The following SLIT3 variants were observed in gnomAD, a reference collection of about 807,000 sequenced individuals.
SLIT3 encodes slit homolog 3 protein.
In SLIT3, 68 loss-of-function variants were observed where a neutral mutation model predicts 184.0. The observed-to-expected ratio is 0.37, with a 90% CI of 0.30 to 0.45. The LOEUF (loss-of-function observed/expected upper bound fraction) is 0.45, where lower values mean the gene tolerates loss of function less well. SLIT3 is among the 20% of genes least tolerant of loss of function. The probability of loss-of-function intolerance (pLI) is 1.00; values close to 1 mark genes in which losing one functional copy is unlikely to be tolerated. For synonymous variants in SLIT3, 831 were observed against 828.6 expected (o/e 1.00, Z -0.05); for missense variants, 1,707 against 2,026.0 (o/e 0.84, Z 3.02).
At chr5:168,704,283 C>T (rs1762312452) in intron 26 of SLIT3, among the ~76,000 whole-genome samples, 1 of 138,678 alleles carries the variant, frequency 7.2e-6, no homozygotes, top group African/African-American at 3.5e-5. Flanking sequence ...ATTTTTTCCC[C>T]AAATCTTAAC....
intron 16 of SLIT3, 61 bp from the exon 17 acceptor site, chr5:168,754,068 G>C: frequency 6.7e-7 from 1 of 1,502,404 alleles, no homozygotes; most frequent in Non-Finnish European, 8.9e-7. Flanking sequence ...GATGCCGGGA[G>C]GGGATGACTT....
intron 20 of SLIT3, among the ~76,000 whole-genome samples, chr5:168,741,650 C>T (rs1210645359): frequency 1.3e-5 from 2 of 151,988 alleles, no homozygotes; most frequent in African/African-American, 4.8e-5. Flanking sequence ...TAAGCAACTA[C>T]AACACAAGGC....
In SLIT3 at chr5:169,210,141, T is replaced by G. The variant is rs552318806; in HGVS notation, c.342-16591A>C. 3.2e-3 allele frequency among the ~76,000 whole-genome samples: 482 copies of G among 152,120 alleles called. 1 individual carries two copies. The highest frequency in any genetic ancestry group is 0.011 in the African/African-American group (454 of 41,510). ...CTGTGGGAGAAATCGCTATGGCAGATAGCTACCCAGGGCAGTCCACAGTGA... is the reference window on the plus strand; with the variant it reads ...CTGTGGGAGAAATCGCTATGGCAGAGAGCTACCCAGGGCAGTCCACAGTGA... On this transcript the variant is annotated intron_variant, in intron 3 of 35. Transcript: ENST00000519560.
intron 20 of SLIT3, among the ~76,000 whole-genome samples, chr5:168,741,419 C>A (rs555210251): frequency 2.1e-5 from 3 of 144,382 alleles, no homozygotes; most frequent in African/African-American, 7.8e-5. Flanking sequence ...TGCAGTAAGC[C>A]GAGATCACAC....
intron 4 of SLIT3, among the ~76,000 whole-genome samples, chr5:168,915,044 G>A (rs142849491): frequency 5.9e-5 from 9 of 152,172 alleles, no homozygotes; most frequent in African/African-American, 1.9e-4. Flanking sequence ...CAGGCAATAC[G>A]TAATCTGTCA....
chr5:169,147,084 A>T (rs1198809968), intron 4 of SLIT3, among the ~76,000 whole-genome samples: 1 of 152,180 alleles, frequency 6.6e-6, no homozygotes, highest in Non-Finnish European at 1.5e-5. Flanking sequence ...TGAAGATGCA[A>T]CCATATCTGA....
At chr5:168,956,522 A>C (rs915248346) in intron 4 of SLIT3, among the ~76,000 whole-genome samples, 1 of 152,236 alleles carries the variant, frequency 6.6e-6, no homozygotes, top group Non-Finnish European at 1.5e-5. Context: ...GGGGCCAGGC[A>C]TGGTGGCTCA....
At chr5:169,011,914 G>T (rs186764471) in intron 4 of SLIT3, among the ~76,000 whole-genome samples, 1 of 150,692 alleles carries the variant, frequency 6.6e-6, no homozygotes, top group Non-Finnish European at 1.5e-5. Context: ...TCAACATAGG[G>T]GACTTCAAAA....
At chr5:169,047,517 ACC>A (rs1368983999) in intron 4 of SLIT3, among the ~76,000 whole-genome samples, 3 of 62,410 alleles carry the variant, frequency 4.8e-5, no homozygotes, top group African/African-American at 4.7e-4. Flanking sequence ...CCTAGATGGA[ACC>A]TACCCTTCCA....
chr5:168,666,390 C>A lies in SLIT3; in HGVS notation c.*64G>T. 6.9e-7 allele frequency: 1 copy of A among 1,449,174 alleles called. No homozygotes were observed. Among genetic ancestry groups the A allele is most frequent in the East Asian group, 2.4e-5 (1 of 42,060 alleles). The allele number at this position is 1,449,174 out of a possible 1,614,324, so 89.8% of individuals were successfully genotyped here. A position where few individuals can be genotyped will look rare whatever the true frequency, so the allele number is the denominator to read the frequency against. The stretch of plus-strand genomic sequence containing the variant: ...CTTCATGCTGAATCACCAGGGGGTC[C>A]CACATGGCTGTCCCAACTCCATCAA... On this transcript the variant is annotated 3_prime_UTR_variant, in exon 36 of 36. Coordinates refer to ENST00000519560, the MANE Select transcript of SLIT3 (RefSeq NM_003062.4).
In SLIT3 at chr5:168,939,208, G is replaced by A. The variant is rs1392642026; in HGVS notation, c.414-55872C>T. Among the ~76,000 whole-genome samples, 4 of 152,316 alleles carry A rather than the reference G, an allele frequency of 2.6e-5. No homozygotes were observed. The East Asian group carries it at 7.7e-4, about 29-fold the overall frequency. On this transcript the variant is annotated intron_variant, in intron 4 of 35. Transcript: ENST00000519560. ...TTACGTAGCTGCGCTGTGGGTCAGCGCTATGATTGATGAGGAAGGGCCTTC... is the reference window on the plus strand; with the variant it reads ...TTACGTAGCTGCGCTGTGGGTCAGCACTATGATTGATGAGGAAGGGCCTTC...
At chr5:169,116,110 A>G (rs544509504) in intron 4 of SLIT3, among the ~76,000 whole-genome samples, 61 of 152,266 alleles carry the variant, frequency 4.0e-4, no homozygotes, top group African/African-American at 1.4e-3. Flanking sequence ...AGAGATGAGG[A>G]TATGGAGAGA....
intron 3 of SLIT3, among the ~76,000 whole-genome samples, chr5:169,226,166 C>T (rs1027734989): frequency 2.0e-5 from 3 of 152,064 alleles, no homozygotes; most frequent in African/African-American, 7.2e-5. Context: ...TGCCCACTAA[C>T]CACTTACAGC....
At chr5:169,268,684 G>A (rs185519547) in intron 1 of SLIT3, among the ~76,000 whole-genome samples, 11 of 152,284 alleles carry the variant, frequency 7.2e-5, no homozygotes, top group African/African-American at 7.2e-5. Flanking sequence ...TGTGTTTTGG[G>A]CAAACCACCC....
intron 4 of SLIT3, among the ~76,000 whole-genome samples, chr5:168,907,944 GTA>G (rs1224392381): frequency 0.031 from 1,619 of 52,670 alleles, 49 homozygotes; most frequent in East Asian, 0.1. Context: ...TATTATACGT[GTA>G]TATATATATA....
intron 4 of SLIT3, among the ~76,000 whole-genome samples, chr5:169,133,507 C>T (rs17555787): frequency 8.5e-5 from 13 of 152,068 alleles, no homozygotes; most frequent in African/African-American, 1.7e-4. Flanking sequence ...AGTCACTGAG[C>T]GACATGCTGA....
Position 168,749,497 on chromosome 5 carries a change from C to T in SLIT3, c.2112G>A (p.Val704=), listed in dbSNP as rs755250268. ...CATCACAGGTGAAGTCCTGGATGGCCACATCCTGGATGGGAATCTCCTTGA... is the reference window on the plus strand; with the variant it reads ...CATCACAGGTGAAGTCCTGGATGGCTACATCCTGGATGGGAATCTCCTTGA... ...FFLKEIPIQD[V]AIQDFTCDGN... Residue 704 remains valine (V), a synonymous_variant, in exon 19 of 36, where the codon GTG becomes GTA. Coordinates refer to ENST00000519560, the MANE Select transcript of SLIT3 (RefSeq NM_003062.4). The T allele has an allele frequency of 6.2e-7, 1 of 1,614,130 alleles. No homozygotes were observed. Among genetic ancestry groups the T allele is most frequent in the Non-Finnish European group, 8.5e-7 (1 of 1,179,992 alleles).
At chr5:169,183,389 C>G (rs942736976) in intron 4 of SLIT3, among the ~76,000 whole-genome samples, 1 of 152,198 alleles carries the variant, frequency 6.6e-6, no homozygotes, top group Non-Finnish European at 1.5e-5. Context: ...AATGTACCAC[C>G]ATGGCCAAGA....
intron 4 of SLIT3, among the ~76,000 whole-genome samples, chr5:168,898,806 T>C (rs1245679954): frequency 6.6e-6 from 1 of 152,160 alleles, no homozygotes; most frequent in Non-Finnish European, 1.5e-5. Flanking sequence ...CTCACACCAT[T>C]GAACCTGCAA....
Sources: allele counts gnomAD v4.1 joint callset (sites outside exome capture counted in the v4.1 genomes callset), GRCh38; gene constraint gnomAD v4.1.1; transcripts MANE v1.5; gene names NCBI Gene and HGNC (gene_info 2026-07-23, HGNC 2026-07-21).